NAV3: variants seen among roughly 807,000 people sequenced by gnomAD.
NAV3 encodes the protein pore membrane and/or filament interacting like protein 1.
In NAV3, 87 loss-of-function variants were observed where a neutral mutation model predicts 244.7. The ratio of observed to expected loss-of-function variants is 0.36; its 90% CI spans 0.30 to 0.42. The LOEUF (loss-of-function observed/expected upper bound fraction) is 0.42, where lower values mean the gene tolerates loss of function less well. NAV3 is among the 20% of genes least tolerant of loss of function. NAV3 has a pLI of 1.00. For synonymous variants in NAV3, 1,126 were observed against 1,042.2 expected (o/e 1.08, Z -1.55); for missense variants, 2,663 against 2,893.3 (o/e 0.92, Z 1.83).
intron 12 of NAV3, among the ~76,000 whole-genome samples, chr12:78,090,087 C>T (rs1203729350): frequency 2.0e-5 from 3 of 151,828 alleles, no homozygotes; most frequent in African/African-American, 7.3e-5. Context: ...TGTCTCTTAT[C>T]TCCAGTATGC....
At chr12:77,882,112 C>T (rs1181093886) in intron 1 of NAV3, among the ~76,000 whole-genome samples, 1 of 151,958 alleles carries the variant, frequency 6.6e-6, no homozygotes. Context: ...AGTGTCCGGA[C>T]AGCCAAAGCG....
At chr12:77,840,484 A>G (rs1875449020) in intron 1 of NAV3, among the ~76,000 whole-genome samples, 2 of 152,214 alleles carry the variant, frequency 1.3e-5, no homozygotes, top group African/African-American at 4.8e-5. Context: ...CAAGCTCAAG[A>G]GCAATGGAAG....
chr12:78,191,619 T>C (rs1249710877), intron 34 of NAV3, among the ~76,000 whole-genome samples: 1 of 152,188 alleles, frequency 6.6e-6, no homozygotes, highest in Non-Finnish European at 1.5e-5. Context: ...TGAACCACCA[T>C]CTAAAGAAAG....
At chr12:78,152,383 G>A (rs930603142) in intron 22 of NAV3, among the ~76,000 whole-genome samples, 2 of 151,414 alleles carry the variant, frequency 1.3e-5, no homozygotes, top group African/African-American at 4.8e-5. Context: ...TAATAATATT[G>A]TTATAACTAT....
chr12:77,976,246 C>T (rs1196882478), intron 5 of NAV3, among the ~76,000 whole-genome samples: 1 of 152,012 alleles, frequency 6.6e-6, no homozygotes, highest in Admixed American at 6.6e-5. Context: ...ATTGGAATTG[C>T]AAAACTGGGG....
intron 12 of NAV3, among the ~76,000 whole-genome samples, chr12:78,064,220 G>A (rs1344661927): frequency 6.6e-6 from 1 of 152,140 alleles, no homozygotes; most frequent in Non-Finnish European, 1.5e-5. Context: ...CACAGACTGA[G>A]TGGCTTAAAC....
rs775907789 is a variant in NAV3 at position 78,006,732 on chromosome 12, C to T, written c.1194C>T (p.Arg398=). The change falls in exon 8 of 40, where the codon CGC becomes CGT. Residue 398 remains arginine, a synonymous_variant. Transcript: ENST00000397909. ...FKLVNARTAL[R]PPQPPSSGPS... is the part of the protein sequence containing the mutation. ...TAGTCAATGCCCGGACTGCTTTACG[C>T]CCCCCGCAGCCTCCCAGTTCAGGAC... The T allele has an allele frequency of 4.3e-6, 7 of 1,613,822 alleles. No homozygotes were observed. Among genetic ancestry groups the T allele is most frequent in the South Asian group, 1.1e-5 (1 of 91,084 alleles).
At chr12:78,045,782 A>T (rs1881686947) in intron 9 of NAV3, among the ~76,000 whole-genome samples, 1 of 152,076 alleles carries the variant, frequency 6.6e-6, no homozygotes, top group African/African-American at 2.4e-5. Context: ...TTTTCTATTG[A>T]TTGGAATAGT....
At chr12:77,755,169 G>A (rs1004294358) in intron 2 of NAV3, among the ~76,000 whole-genome samples, 4 of 151,892 alleles carry the variant, frequency 2.6e-5, no homozygotes, top group African/African-American at 9.7e-5. Context: ...ATTTGTTCCT[G>A]AAACCACTTA....
chr12:77,685,492 C>CAA (rs776930630), intron 2 of NAV3, among the ~76,000 whole-genome samples: 3,327 of 124,688 alleles, frequency 0.027, 44 homozygotes, highest in Middle Eastern at 0.049. Flanking sequence ...CACACACACA[C>CAA]ACACACACAC....
intron 2 of NAV3, among the ~76,000 whole-genome samples, chr12:77,574,484 A>G (rs1420084970): frequency 6.6e-6 from 1 of 152,172 alleles, no homozygotes; most frequent in Non-Finnish European, 1.5e-5. Flanking sequence ...AGAGATTAGA[A>G]GGTCATTTAT....
intron 4 of NAV3, among the ~76,000 whole-genome samples, chr12:77,967,959 T>G (rs1389963394): frequency 6.6e-6 from 1 of 152,138 alleles, no homozygotes; most frequent in African/African-American, 2.4e-5. Context: ...TGGATATATA[T>G]TTGGAGGATA....
At chr12:77,916,121 G>A (rs1887117326) in intron 1 of NAV3, among the ~76,000 whole-genome samples, 1 of 152,042 alleles carries the variant, frequency 6.6e-6, no homozygotes, top group Non-Finnish European at 1.5e-5. Flanking sequence ...GAGTAAGTAA[G>A]CTATTTGGAT....
Position 78,118,116 on chromosome 12 carries a change from C to A in NAV3, c.2859C>A (p.Ser953Arg). ...ELKKPEEDFD[S>R]HGDAGGKWKT... ...AAAAACCAGAAGAAGATTTTGACAG[C>A]CATGGGGATGCTGGTGGCAAGTGGA... The change falls in exon 14 of 40, where the codon AGC (serine) becomes AGA (arginine). Residue 953 changes from serine to arginine, a missense_variant. Physicochemically the swap from Ser to Arg is moderately radical, Grantham distance 110 (BLOSUM62 -1). Coordinates refer to ENST00000397909, the MANE Select transcript of NAV3 (RefSeq NM_001024383.2). 6.2e-7 allele frequency: 1 copy of A among 1,614,008 alleles called. No homozygotes were observed. Among genetic ancestry groups the A allele is most frequent in the Non-Finnish European group, 8.5e-7 (1 of 1,180,000 alleles).
rs889226662 is a variant in NAV3 at position 77,966,174 on chromosome 12, T to C, written c.415-55T>C. The stretch of plus-strand genomic sequence containing the variant: ...CTTTCTGGTTTCATTTTGGCACATG[T>C]ATTTGTTAAAATATAATCCTCTAAG... On this transcript the variant is annotated intron_variant, in intron 3 of 39. Transcript: ENST00000397909. 3 of 1,417,076 alleles carry C rather than the reference T, an allele frequency of 2.1e-6. No individual in the cohort carries two copies. In the African/African-American group the frequency reaches 4.2e-5, roughly 20 times the overall value. 87.8% of individuals were successfully genotyped at this position (1,417,076 alleles called of 1,614,324 possible). A position where few individuals can be genotyped will look rare whatever the true frequency, so the allele number is the denominator to read the frequency against.
At chr12:77,903,788 A>G (rs1056557852) in intron 1 of NAV3, among the ~76,000 whole-genome samples, 11 of 152,216 alleles carry the variant, frequency 7.2e-5, no homozygotes, top group Non-Finnish European at 1.6e-4. Flanking sequence ...AAACTCAAAC[A>G]AATTTACAAG....
intron 12 of NAV3, among the ~76,000 whole-genome samples, chr12:78,114,127 C>T (rs1955245991): frequency 3.9e-5 from 6 of 152,202 alleles, no homozygotes; most frequent in Admixed American, 2.6e-4. Context: ...TCCTCATCTC[C>T]ATCTGAGACC....
intron 1 of NAV3, among the ~76,000 whole-genome samples, chr12:77,880,747 C>G (rs1206041959): frequency 6.6e-6 from 1 of 152,120 alleles, no homozygotes; most frequent in Non-Finnish European, 1.5e-5. Flanking sequence ...TAACAATTGC[C>G]TATGCTATTT....
At chr12:77,680,382 G>A (rs1359048753) in intron 2 of NAV3, among the ~76,000 whole-genome samples, 1 of 152,134 alleles carries the variant, frequency 6.6e-6, no homozygotes, top group Non-Finnish European at 1.5e-5. Flanking sequence ...TCGCCTAGGG[G>A]AAGAGGGAGG....
Sources: gnomAD v4.1 joint callset for allele counts (sites outside exome capture counted in the v4.1 genomes callset) on GRCh38, gnomAD v4.1.1 for gene constraint, MANE v1.5 for transcripts, NCBI Gene and HGNC (gene_info 2026-07-23, HGNC 2026-07-21) for gene names.